Variants in BCL7A observed in about 807,000 individuals in gnomAD.
BCL7A encodes BAF chromatin remodeling complex subunit BCL7A.
Under a neutral mutation model 28.4 loss-of-function variants are expected in BCL7A, and 11 were observed. That is an observed-to-expected ratio of 0.39 (90% confidence interval 0.24 to 0.64). The LOEUF is 0.64. BCL7A is among the 30% of genes least tolerant of loss of function. The pLI is 0.50. For synonymous variants in BCL7A, 123 were observed against 103.3 expected (o/e 1.19, Z -1.15); for missense variants, 222 against 274.8 (o/e 0.81, Z 1.36).
At chr12:122,058,276 G>C (rs962734080) in intron 5 of BCL7A, among the ~76,000 whole-genome samples, 1 of 151,982 alleles carries the variant, frequency 6.6e-6, no homozygotes, top group Non-Finnish European at 1.5e-5. Context: ...AAGGTGAGGC[G>C]GGCAGATCAC....
At chr12:122,044,992 A>G (rs182642945) in intron 4 of BCL7A, among the ~76,000 whole-genome samples, 99 of 152,118 alleles carry the variant, frequency 6.5e-4, no homozygotes, top group African/African-American at 2.3e-3. Context: ...CGGCCTTTGA[A>G]TAAGACAAGG....
chr12:122,029,286 C>T lies in BCL7A; in HGVS notation c.93-1414C>T, dbSNP rs997769350. Among the ~76,000 whole-genome samples the T allele has an allele frequency of 2.0e-5, 3 of 152,146 alleles. No individual in the cohort carries two copies. Among genetic ancestry groups the T allele is most frequent in the East Asian group, 1.9e-4 (1 of 5,170 alleles). On this transcript the variant is annotated intron_variant, in intron 1 of 5. Coordinates refer to ENST00000261822, the MANE Select transcript of BCL7A (RefSeq NM_001024808.3). The surrounding 1 kb of genome is among the most constrained non-coding windows in gnomAD (Gnocchi z 4.3). ...TCTGATGGAACACGTGGGACCCGAGCGGGCAGGGTTTTTGGGGGTGAGGTG... is the reference window on the plus strand; with the variant it reads ...TCTGATGGAACACGTGGGACCCGAGTGGGCAGGGTTTTTGGGGGTGAGGTG...
intron 1 of BCL7A, among the ~76,000 whole-genome samples, chr12:122,025,405 A>G (rs989272177): frequency 1.3e-5 from 2 of 151,844 alleles, no homozygotes; most frequent in Non-Finnish European, 2.9e-5. Flanking sequence ...CAGGCGGATC[A>G]CGAGGTCAGG....
chr12:122,055,342 G>A (rs1951869485), intron 5 of BCL7A, among the ~76,000 whole-genome samples: 1 of 152,212 alleles, frequency 6.6e-6, no homozygotes, highest in Non-Finnish European at 1.5e-5. Flanking sequence ...GGCCCCACTT[G>A]CACTGCATGG....
rs1246502202 is a variant in BCL7A, at chr12:122,024,455, G to GTT, written c.92+2277_92+2278dup. Among the ~76,000 whole-genome samples the GTT allele has an allele frequency of 8.9e-4, 72 of 81,030 alleles. 1 individual carries two copies. Among genetic ancestry groups the GTT allele is most frequent in the African/African-American group, 3.9e-3 (68 of 17,240 alleles). The allele number at this position is 81,030 out of a possible 152,430, so 53.2% of individuals were successfully genotyped here. A position where few individuals can be genotyped will look rare whatever the true frequency, so the allele number is the denominator to read the frequency against. ...GACTTTGTAGAAACTTGGCTTTGAG[G>GTT]TTTTTTGTTTTTTTTTTTTTTTGGC... On this transcript the variant is annotated intron_variant, in intron 1 of 5. Transcript: ENST00000261822.
At chr12:122,058,104 G>A (rs1305391044) in intron 5 of BCL7A, among the ~76,000 whole-genome samples, 1 of 151,636 alleles carries the variant, frequency 6.6e-6, no homozygotes, top group East Asian at 1.9e-4. Context: ...GGCTGAGGCA[G>A]GGGGATCCTC....
intron 2 of BCL7A, among the ~76,000 whole-genome samples, chr12:122,034,190 C>CAT (rs55770934): frequency 4.1e-4 from 40 of 97,546 alleles, no homozygotes; most frequent in South Asian, 8.3e-4. Flanking sequence ...CTGCATCTTT[C>CAT]ATATATATAT....
rs1405524692 is a variant in BCL7A, at chr12:122,029,014, G to A, written c.93-1686G>A. Among the ~76,000 whole-genome samples, 1 of 152,152 alleles carries A rather than the reference G, an allele frequency of 6.6e-6. No individual in the cohort carries two copies. Among genetic ancestry groups the A allele is most frequent in the Admixed American group, 6.5e-5 (1 of 15,268 alleles). ...CTTAGACACTCGTCTTTCCTGCATC[G>A]TTTCTGGGTGAAAAGGTGCAAGGAG... On this transcript the variant is annotated intron_variant, in intron 1 of 5. Transcript: ENST00000261822. This position sits in a 1 kb window ranked among gnomAD's most constrained non-coding sequence, Gnocchi z 4.3.
chr12:122,045,579 A>G (rs1322835712), intron 4 of BCL7A, among the ~76,000 whole-genome samples: 4 of 152,006 alleles, frequency 2.6e-5, no homozygotes, highest in African/African-American at 4.8e-5. Context: ...GATTGTGTGA[A>G]TGTGTACACA....
At chr12:122,034,517 C>T (rs1199166995) in intron 2 of BCL7A, among the ~76,000 whole-genome samples, 1 of 150,682 alleles carries the variant, frequency 6.6e-6, no homozygotes, top group African/African-American at 2.4e-5. Context: ...AGGCAGATCA[C>T]GAGGTCAGGA....
At chr12:122,049,017 TAAAAAAAA>T (rs60471036) in intron 4 of BCL7A, among the ~76,000 whole-genome samples, 30 of 90,402 alleles carry the variant, frequency 3.3e-4, no homozygotes, top group East Asian at 1.5e-3. Context: ...GTGAAACGTG[TAAAAAAAA>T]AAAAAAAAAA....
intron 4 of BCL7A, among the ~76,000 whole-genome samples, chr12:122,047,200 A>T (rs532971738): frequency 1.2e-4 from 18 of 151,450 alleles, no homozygotes; most frequent in Admixed American, 3.3e-4. Flanking sequence ...CCACGCCTGG[A>T]CTATTTCTTG....
At chr12:122,036,950 C>A (rs147220233) in intron 3 of BCL7A, among the ~76,000 whole-genome samples, 3 of 152,174 alleles carry the variant, frequency 2.0e-5, no homozygotes, top group African/African-American at 7.2e-5. Flanking sequence ...CTCGAACGCC[C>A]GCCTTGGCCT....
At chr12:122,024,654 G>T (rs1273758969) in intron 1 of BCL7A, among the ~76,000 whole-genome samples, 1 of 151,898 alleles carries the variant, frequency 6.6e-6, no homozygotes, top group South Asian at 2.1e-4. Flanking sequence ...TGGGGGGGTG[G>T]GGTTGCCAGG....
At chr12:122,041,396 C>A (rs1375619540) in intron 3 of BCL7A, among the ~76,000 whole-genome samples, 1 of 152,164 alleles carries the variant, frequency 6.6e-6, no homozygotes, top group Non-Finnish European at 1.5e-5. Flanking sequence ...AAGTGGCCAT[C>A]GCCCCGGGTG....
intron 1 of BCL7A, among the ~76,000 whole-genome samples, chr12:122,025,359 C>T (rs979159469): frequency 6.6e-6 from 1 of 152,074 alleles, no homozygotes; most frequent in African/African-American, 2.4e-5. Context: ...GGCGCGGTGG[C>T]TCACGCCTGT....
chr12:122,032,969 T>G (rs879782260), intron 2 of BCL7A, among the ~76,000 whole-genome samples: 2 of 152,190 alleles, frequency 1.3e-5, no homozygotes, highest in African/African-American at 2.4e-5. Flanking sequence ...GAATCTGCCT[T>G]GTGGAGGGAG....
At position 122,043,423 on chromosome 12, in the gene BCL7A, CAG is replaced by C. The variant is rs1431755706; in HGVS notation, c.272-462_272-461del. ...CTTGGGTGGGTGGGTGGGTGGGGGT[CAG>C]GGGGCGGGAGTGAGCTCAGGGGTCC... On this transcript the variant is annotated intron_variant, in intron 3 of 5. Transcript: ENST00000261822. 4.7e-5 allele frequency among the ~76,000 whole-genome samples: 3 copies of C among 63,310 alleles called. No homozygotes were observed. In the South Asian group the frequency reaches 1.6e-3, roughly 35 times the overall value. The allele number at this position is 63,310 out of a possible 152,430, so 41.5% of individuals were successfully genotyped here. A position where few individuals can be genotyped will look rare whatever the true frequency, so the allele number is the denominator to read the frequency against.
chr12:122,042,579 G>A (rs1299033755), intron 3 of BCL7A, among the ~76,000 whole-genome samples: 1 of 151,504 alleles, frequency 6.6e-6, no homozygotes, highest in African/African-American at 2.4e-5. Flanking sequence ...GAACCCAGGA[G>A]GTGGAGGTTG....
Sources: allele counts gnomAD v4.1 joint callset (sites outside exome capture counted in the v4.1 genomes callset), GRCh38; gene constraint gnomAD v4.1.1; non-coding constraint Gnocchi (gnomAD v3.1); transcripts MANE v1.5; gene names NCBI Gene and HGNC (gene_info 2026-07-23, HGNC 2026-07-21).